MICAL2: variants seen among roughly 807,000 people sequenced by gnomAD.
The protein encoded by MICAL2 is [F-actin]-monooxygenase MICAL2.
A neutral mutation model predicts 127.3 loss-of-function variants in MICAL2; 77 were observed. The observed-to-expected ratio is 0.60, with a 90% CI of 0.50 to 0.73. The LOEUF (loss-of-function observed/expected upper bound fraction) is 0.73, where lower values mean the gene tolerates loss of function less well. MICAL2 is among the 30% of genes least tolerant of loss of function. The pLI is 0.00. For synonymous variants in MICAL2, 570 were observed against 551.1 expected, an observed-to-expected ratio of 1.03 and a Z score of -0.48; for missense variants, 1,351 against 1,434.4, an observed-to-expected ratio of 0.94 and a Z score of 0.94.
chr11:12,230,711 C>A (rs1858124545), intron 15 of MICAL2, among the ~76,000 whole-genome samples: 1 of 126,492 alleles, frequency 7.9e-6, no homozygotes, highest in Non-Finnish European at 1.6e-5. Context: ...TTAAATTCTT[C>A]TTTCCCCCCC....
chr11:12,154,247 C>A (rs1853915259), intron 2 of MICAL2, among the ~76,000 whole-genome samples: 2 of 152,152 alleles, frequency 1.3e-5, no homozygotes, highest in Non-Finnish European at 2.9e-5. Context: ...TGCAGGATGA[C>A]CCTTTCTGTT....
Position 12,130,105 on chromosome 11 carries a change from T to G in MICAL2, c.-148-8285T>G, listed in dbSNP as rs1317146173. On this transcript the variant is annotated intron_variant, in intron 1 of 27. Transcript: ENST00000683283. ...CTTTGAGCAGAGCTGATTATTGGAG[T>G]TGCTCAAATCATCCCCACTCCATTG... is the stretch of plus-strand genomic sequence containing the variant. Among the ~76,000 whole-genome samples the G allele has an allele frequency of 3.3e-5, 5 of 152,084 alleles. No individual in the cohort carries two copies. In the East Asian group the frequency reaches 5.8e-4, roughly 18 times the overall value.
intron 1 of MICAL2, among the ~76,000 whole-genome samples, chr11:12,127,030 C>T (rs916903968): frequency 7.2e-5 from 11 of 152,022 alleles, no homozygotes; most frequent in South Asian, 2.1e-4. Flanking sequence ...AGGTGGGCAG[C>T]GGGAAATGAG....
At chr11:12,177,022 C>T (rs1856915559) in intron 3 of MICAL2, among the ~76,000 whole-genome samples, 1 of 152,152 alleles carries the variant, frequency 6.6e-6, no homozygotes, top group African/African-American at 2.4e-5. Flanking sequence ...GTGGTATACC[C>T]AGAAGTGAAA....
At chr11:12,141,849 A>G (rs572324236) in intron 2 of MICAL2, among the ~76,000 whole-genome samples, 16 of 152,364 alleles carry the variant, frequency 1.1e-4, no homozygotes, top group South Asian at 2.1e-4. Context: ...TCAGTGAGAG[A>G]TGAGAGATAC....
rs1183417187 is a variant in MICAL2 at position 12,242,784 on chromosome 11, G to A, written c.2658+12G>A. On this transcript the variant is annotated intron_variant, in intron 20 of 27. Transcript: ENST00000683283. ...GGGATTTCCCGCAGGTAAACATGGG[G>A]CTTTCAGAGCCCCCAGGAACCTGAT... is the stretch of plus-strand genomic sequence containing the variant. 1 of 1,586,222 alleles carries A rather than the reference G, an allele frequency of 6.3e-7. No individual in the cohort carries two copies. Among genetic ancestry groups the A allele is most frequent in the East Asian group, 2.3e-5 (1 of 43,640 alleles).
At chr11:12,215,653 TTAG>T (rs1457222945) in intron 7 of MICAL2, among the ~76,000 whole-genome samples, 1 of 152,212 alleles carries the variant, frequency 6.6e-6, no homozygotes, top group Non-Finnish European at 1.5e-5. Context: ...ATGCAGGAAC[TTAG>T]TGTGTAAAAT....
At chr11:12,312,935 G>C (rs1864190355) in intron 29 of MICAL2, among the ~76,000 whole-genome samples, 1 of 152,100 alleles carries the variant, frequency 6.6e-6, no homozygotes, top group Non-Finnish European at 1.5e-5. Context: ...GGGAGGCCGA[G>C]ATGGGCGGAT....
intron 1 of MICAL2, among the ~76,000 whole-genome samples, chr11:12,124,497 G>A (rs952849605): frequency 2.0e-5 from 3 of 152,152 alleles, no homozygotes; most frequent in Admixed American, 1.3e-4. Context: ...TCAGCTCCTC[G>A]AGGGCTCCAA....
intron 23 of MICAL2, 48 bp downstream of exon 23, chr11:12,255,798 A>T (rs1291188354): frequency 2.7e-6 from 4 of 1,502,726 alleles, no homozygotes; most frequent in Non-Finnish European, 3.7e-6. Flanking sequence ...TGGCTCTGGC[A>T]TCCCAGGGCG....
At chr11:12,120,148 C>T (rs1436604375) in intron 1 of MICAL2, among the ~76,000 whole-genome samples, 2 of 152,236 alleles carry the variant, frequency 1.3e-5, no homozygotes, top group African/African-American at 4.8e-5. Flanking sequence ...GAACACCTCC[C>T]CCAGAGCCTT....
intron 34 of MICAL2, among the ~76,000 whole-genome samples, chr11:12,356,984 C>T (rs888288049): frequency 6.6e-6 from 1 of 152,244 alleles, no homozygotes; most frequent in Non-Finnish European, 1.5e-5. Context: ...TTACCTGTCC[C>T]CTTTGGGGCT....
At chr11:12,339,086 G>A (rs914899245) in intron 32 of MICAL2, among the ~76,000 whole-genome samples, 6 of 152,224 alleles carry the variant, frequency 3.9e-5, no homozygotes, top group Middle Eastern at 3.4e-3. Flanking sequence ...TCACTTTCAG[G>A]TACACCAGTC....
chr11:12,139,694 C>T (rs2133614873), intron 2 of MICAL2, among the ~76,000 whole-genome samples: 1 of 152,236 alleles, frequency 6.6e-6, no homozygotes, highest in South Asian at 2.1e-4. Flanking sequence ...AGCTGATTGG[C>T]CAGTCTGCCA....
chr11:12,262,342 G>C, intron 26 of MICAL2, 138 bp from the exon 27 acceptor site: 2 of 1,525,950 alleles, frequency 1.3e-6, no homozygotes, highest in Non-Finnish European at 1.7e-6. Context: ...TCTTTCAGAG[G>C]AAGTTTCCCT....
At position 12,141,774 on chromosome 11, in the gene MICAL2, C is replaced by G. The variant is rs147873142; in HGVS notation, c.-78+3314C>G. Among the ~76,000 whole-genome samples the G allele has an allele frequency of 1.8e-4, 27 of 152,234 alleles. 1 individual carries two copies. The highest frequency in any genetic ancestry group is 6.3e-4 in the African/African-American group (26 of 41,524). On this transcript the variant is annotated intron_variant, in intron 2 of 27. Coordinates refer to ENST00000683283, the MANE Select transcript of MICAL2 (RefSeq NM_001282663.2). ...AGAATATGGCCCCAAGTTGGCCAAC[C>G]CTTGTGATCAGGGGTGACCAGACAC...
intron 1 of MICAL2, among the ~76,000 whole-genome samples, chr11:12,121,302 C>T (rs968370689): frequency 6.6e-6 from 1 of 152,176 alleles, no homozygotes; most frequent in Admixed American, 6.5e-5. Context: ...TGCTGAGCTC[C>T]TCTGGGGGCT....
At chr11:12,284,475 G>T (rs920414677) in intron 2 of MICAL2, among the ~76,000 whole-genome samples, 1 of 151,968 alleles carries the variant, frequency 6.6e-6, no homozygotes, top group African/African-American at 2.4e-5. Context: ...CCACCCTATT[G>T]TTCCCGTTGT....
At chr11:12,244,330 C>G (rs1166258724) in intron 21 of MICAL2, among the ~76,000 whole-genome samples, 1 of 152,260 alleles carries the variant, frequency 6.6e-6, no homozygotes, top group Non-Finnish European at 1.5e-5. Flanking sequence ...AGGGCTCATT[C>G]ATTCAGCAAG....
Sources: allele counts gnomAD v4.1 joint callset (sites outside exome capture counted in the v4.1 genomes callset), GRCh38; gene constraint gnomAD v4.1.1; transcripts MANE v1.5; gene names NCBI Gene and HGNC (gene_info 2026-07-23, HGNC 2026-07-21).